The following CENPP variants were observed in gnomAD, a reference collection of about 807,000 sequenced individuals.
CENPP encodes centromere protein P.
CENPP carries 24 observed loss-of-function variants against 35.6 expected under a neutral mutation model. That is an observed-to-expected ratio of 0.67 (90% confidence interval 0.49 to 0.95). The LOEUF (loss-of-function observed/expected upper bound fraction) is 0.95, where lower values mean the gene tolerates loss of function less well. Among genes scored for constraint, CENPP ranks in the 40% least tolerant of loss-of-function variants. CENPP has a pLI of 0.00. For missense variants in CENPP, 332 were observed against 345.3 expected (o/e 0.96, Z 0.31); for synonymous variants, 120 against 125.5 (o/e 0.96, Z 0.29).
intron 5 of CENPP, among the ~76,000 whole-genome samples, chr9:92,461,667 A>C (rs1469056343): frequency 6.6e-6 from 1 of 152,202 alleles, no homozygotes; most frequent in Non-Finnish European, 1.5e-5. Flanking sequence ...CTTAGCATTC[A>C]TGCACGATTG....
At chr9:92,426,553 G>A (rs571576614) in intron 5 of CENPP, among the ~76,000 whole-genome samples, 8 of 152,266 alleles carry the variant, frequency 5.3e-5, no homozygotes, top group Non-Finnish European at 7.3e-5. Flanking sequence ...TGTAGAGTGC[G>A]ATGGAAGAGA....
chr9:92,346,082 CAAATAATGGCAGAAGTAAATATA>C (rs1260815939), intron 4 of CENPP, among the ~76,000 whole-genome samples: 2 of 152,122 alleles, frequency 1.3e-5, no homozygotes, highest in Non-Finnish European at 2.9e-5. Flanking sequence ...AGATATTGAT[CAAATAATGGCAGAAGTAAATATA>C]AAATTATGGC....
chr9:92,403,918 C>T (rs892962937), intron 5 of CENPP, among the ~76,000 whole-genome samples: 2 of 152,026 alleles, frequency 1.3e-5, no homozygotes, highest in African/African-American at 4.8e-5. Context: ...TTAAATTTAA[C>T]ATTATGAAAA....
chr9:92,389,968 A>T (rs1304941704), intron 5 of CENPP: 1 of 1,610,878 alleles, frequency 6.2e-7, no homozygotes, highest in Admixed American at 1.7e-5. Context: ...CAGCAAGTGA[A>T]AGTTCTTCTA....
chr9:92,596,790 C>T (rs1032265102), intron 5 of CENPP, among the ~76,000 whole-genome samples: 1 of 150,930 alleles, frequency 6.6e-6, no homozygotes, highest in Admixed American at 6.6e-5. Context: ...CCCACTGTGG[C>T]TTTTTTTTTA....
intron 1 of CENPP, among the ~76,000 whole-genome samples, chr9:92,330,330 G>C (rs1465553130): frequency 6.6e-6 from 1 of 152,210 alleles, no homozygotes; most frequent in Non-Finnish European, 1.5e-5. Context: ...AGGAAGAAGA[G>C]ATACATGGTT....
chr9:92,371,796 A>ATG (rs776939478), intron 4 of CENPP, among the ~76,000 whole-genome samples: 2 of 150,450 alleles, frequency 1.3e-5, no homozygotes, highest in Non-Finnish European at 3.0e-5. Context: ...TTGGGTGTAT[A>ATG]TATATATTTA....
chr9:92,521,263 A>T (rs1353250162), intron 5 of CENPP, among the ~76,000 whole-genome samples: 1 of 152,218 alleles, frequency 6.6e-6, no homozygotes, highest in Non-Finnish European at 1.5e-5. Flanking sequence ...AGATCACATT[A>T]TGAATACTTC....
chr9:92,348,752 T>G (rs1185784056), intron 4 of CENPP, among the ~76,000 whole-genome samples: 1 of 152,224 alleles, frequency 6.6e-6, no homozygotes, highest in Admixed American at 6.5e-5. Flanking sequence ...TTTGTTTCTC[T>G]GGAAAGGTCT....
intron 5 of CENPP, among the ~76,000 whole-genome samples, chr9:92,545,632 G>A (rs1192261900): frequency 1.3e-5 from 2 of 152,242 alleles, no homozygotes; most frequent in African/African-American, 4.8e-5. Flanking sequence ...AGGAGTGCGG[G>A]CACAGGGCGC....
At chr9:92,464,809 C>A (rs972371019) in intron 5 of CENPP, 1 of 836,696 alleles carries the variant, frequency 1.2e-6, no homozygotes, top group African/African-American at 1.7e-5. Context: ...TTTACTGGTG[C>A]AAAGATTTCT....
intron 5 of CENPP, among the ~76,000 whole-genome samples, chr9:92,504,718 T>C (rs114744966): frequency 1.4e-3 from 207 of 152,184 alleles, no homozygotes; most frequent in African/African-American, 4.9e-3. Context: ...TTAATATATC[T>C]TTTAGAGACA....
rs1849615377 is a variant in CENPP, at chr9:92,552,033, A to G, written c.565-59281A>G. On this transcript the variant is annotated intron_variant, in intron 5 of 7. Coordinates refer to ENST00000375587, the MANE Select transcript of CENPP (RefSeq NM_001012267.3). Reference sequence around the variant, plus strand: ...ATATATGATATGATAGATCTATCATATATGTGATATTATAGGTCTATCATA... The same window carrying G: ...ATATATGATATGATAGATCTATCATGTATGTGATATTATAGGTCTATCATA... 2.1e-5 allele frequency among the ~76,000 whole-genome samples: 2 copies of G among 95,238 alleles called. 1 individual carries two copies. The highest frequency in any genetic ancestry group is 4.2e-5 in the Non-Finnish European group (2 of 48,152). 62.5% of individuals were successfully genotyped at this position (95,238 alleles called of 152,430 possible).
chr9:92,403,142 C>T (rs953998758), intron 5 of CENPP: 3 of 778,718 alleles, frequency 3.9e-6, no homozygotes, highest in Non-Finnish European at 6.1e-6. Context: ...TTTCCCTTCC[C>T]CTTACCTTAT....
chr9:92,520,221 T>C (rs1847979276), intron 5 of CENPP, among the ~76,000 whole-genome samples: 1 of 151,436 alleles, frequency 6.6e-6, no homozygotes, highest in African/African-American at 2.4e-5. Flanking sequence ...AGTTCAAGAC[T>C]GCAGTGAGCT....
At chr9:92,376,913 C>G (rs1224920708) in intron 4 of CENPP, among the ~76,000 whole-genome samples, 2 of 152,022 alleles carry the variant, frequency 1.3e-5, no homozygotes. Context: ...GGCATCATGG[C>G]GCACGCCTGT....
intron 5 of CENPP, among the ~76,000 whole-genome samples, chr9:92,465,308 A>T: frequency 6.6e-6 from 1 of 152,250 alleles, no homozygotes. Flanking sequence ...TCCTCCAACC[A>T]TGAGCACAAT....
At chr9:92,427,361 C>T (rs565977511) in intron 5 of CENPP, among the ~76,000 whole-genome samples, 1 of 152,292 alleles carries the variant, frequency 6.6e-6, no homozygotes, top group African/African-American at 2.4e-5. Context: ...CTGGGTTTCA[C>T]CATGTTGGCC....
chr9:92,422,886 A>G (rs569423880), intron 5 of CENPP, among the ~76,000 whole-genome samples: 4 of 152,244 alleles, frequency 2.6e-5, no homozygotes, highest in African/African-American at 9.6e-5. Context: ...ATACTCTACA[A>G]TGTATGCCTT....
Sources: gnomAD v4.1 joint callset for allele counts (sites outside exome capture counted in the v4.1 genomes callset) on GRCh38, gnomAD v4.1.1 for gene constraint, MANE v1.5 for transcripts, NCBI Gene and HGNC (gene_info 2026-07-23, HGNC 2026-07-21) for gene names.